Variants in RPS6KA1 observed in about 807,000 individuals in gnomAD.
RPS6KA1 encodes the protein ribosomal protein S6 kinase A1.
A neutral mutation model predicts 91.3 loss-of-function variants in RPS6KA1; 48 were observed. That is an observed-to-expected ratio of 0.53 (90% CI 0.42 to 0.67). The LOEUF (loss-of-function observed/expected upper bound fraction) is 0.67, where lower values mean the gene tolerates loss of function less well. Among genes scored for constraint, RPS6KA1 ranks in the 30% least tolerant of loss-of-function variants. The pLI is 0.00. For synonymous variants in RPS6KA1, 359 were observed against 384.7 expected (o/e 0.93, Z 0.78); for missense variants, 719 against 960.5 (o/e 0.75, Z 3.32).
rs568252480 is a variant in RPS6KA1, at chr1:26,567,192, T to A, written c.1591-4257T>A. ...GCGTGCCACCACACCTGGCTAATTT[T>A]AAAATTTTTTTTTTGTAGAGACAGG... On this transcript the variant is annotated intron_variant, in intron 17 of 21. Transcript: ENST00000374168. Among the ~76,000 whole-genome samples the A allele has an allele frequency of 1.1e-3, 162 of 151,794 alleles. 1 individual carries two copies. Among genetic ancestry groups the A allele is most frequent in the South Asian group, 8.3e-3 (40 of 4,794 alleles).
At chr1:26,532,335 C>A (rs1009649492) in intron 1 of RPS6KA1, among the ~76,000 whole-genome samples, 8 of 152,220 alleles carry the variant, frequency 5.3e-5, no homozygotes, top group African/African-American at 1.7e-4. Context: ...AACAGCTTCT[C>A]AAGATAGGGA....
At chr1:26,565,709 C>T (rs2076194911) in intron 17 of RPS6KA1, among the ~76,000 whole-genome samples, 2 of 151,978 alleles carry the variant, frequency 1.3e-5, no homozygotes, top group Non-Finnish European at 2.9e-5. Context: ...TTACAGGCAC[C>T]TGCCACCACA....
At position 26,561,011 on chromosome 1, in the gene RPS6KA1, C is replaced by G. The variant is rs769472096; in HGVS notation, c.1342-34C>G. On this transcript the variant is annotated intron_variant, in intron 15 of 21. Transcript: ENST00000374168. The surrounding 1 kb of genome is among the most constrained non-coding windows in gnomAD (Gnocchi z 5.7). ...CCAGAAAGGACCCTGGACCCTGTCA[C>G]CCTGACACTGCCACATGCACCCCCT... is the stretch of plus-strand genomic sequence containing the variant. 27 of 1,607,304 alleles carry G rather than the reference C, an allele frequency of 1.7e-5. No individual in the cohort carries two copies. Among genetic ancestry groups the G allele is most frequent in the Non-Finnish European group, 2.2e-5 (26 of 1,174,900 alleles).
chr1:26,566,675 T>C (rs1045465819), intron 17 of RPS6KA1, among the ~76,000 whole-genome samples: 1 of 152,234 alleles, frequency 6.6e-6, no homozygotes, highest in African/African-American at 2.4e-5. Context: ...GCCTCTTTTA[T>C]GAAATGCCTC....
At chr1:26,541,227 A>C (rs948732586) in intron 2 of RPS6KA1, among the ~76,000 whole-genome samples, 10 of 150,660 alleles carry the variant, frequency 6.6e-5, no homozygotes, top group Non-Finnish European at 1.2e-4. Flanking sequence ...ACTGCACTCC[A>C]GCCTGGGCAA....
chr1:26,572,629 G>A (rs577547154), intron 20 of RPS6KA1, among the ~76,000 whole-genome samples: 12 of 152,280 alleles, frequency 7.9e-5, no homozygotes, highest in Non-Finnish European at 1.8e-4. Context: ...GCACAGATAG[G>A]CGGACGCTCT....
chr1:26,546,640 G>T (rs12120574), intron 2 of RPS6KA1, among the ~76,000 whole-genome samples: 3 of 152,224 alleles, frequency 2.0e-5, no homozygotes, highest in African/African-American at 7.2e-5. Context: ...GGCCTAACCA[G>T]GCCAGAGCAT....
At chr1:26,544,725 C>T (rs891405766) in intron 2 of RPS6KA1, among the ~76,000 whole-genome samples, 3 of 152,074 alleles carry the variant, frequency 2.0e-5, no homozygotes, top group African/African-American at 7.2e-5. Flanking sequence ...CCACCTGCCT[C>T]GGCCTCCCAA....
rs1307421567 is a variant in RPS6KA1, at chr1:26,561,243, G to T, written c.1431+109G>T. On this transcript the variant is annotated intron_variant, in intron 16 of 21. Transcript: ENST00000374168. This position sits in a 1 kb window ranked among gnomAD's most constrained non-coding sequence, Gnocchi z 5.7. ...CTCATCCTCTTTCCAGTGGTCATGT[G>T]GAGGGGAAGGAGGTCCCTTGGTCCC... The T allele has an allele frequency of 8.4e-6, 9 of 1,067,054 alleles. No individual in the cohort carries two copies. In the East Asian group the frequency reaches 2.0e-4, roughly 24 times the overall value. 66.1% of individuals were successfully genotyped at this position (1,067,054 alleles called of 1,614,324 possible). A position where few individuals can be genotyped will look rare whatever the true frequency, so the allele number is the denominator to read the frequency against.
chr1:26,554,859 G>T lies in RPS6KA1; in HGVS notation c.756+121G>T. ...CCCCGTCTCCTCTCACAGCCAAGCTGGCCTCACCCTATATGCACCTGCAGT... is the reference window on the plus strand; with the variant it reads ...CCCCGTCTCCTCTCACAGCCAAGCTTGCCTCACCCTATATGCACCTGCAGT... On this transcript the variant is annotated intron_variant, in intron 9 of 21. Coordinates refer to ENST00000374168, the MANE Select transcript of RPS6KA1 (RefSeq NM_002953.4). This position sits in a 1 kb window ranked among gnomAD's most constrained non-coding sequence, Gnocchi z 4.6. 1 of 1,346,140 alleles carries T rather than the reference G, an allele frequency of 7.4e-7. No homozygotes were observed. Among genetic ancestry groups the T allele is most frequent in the South Asian group, 1.4e-5 (1 of 70,942 alleles). The allele number at this position is 1,346,140 out of a possible 1,614,324, so 83.4% of individuals were successfully genotyped here. A position where few individuals can be genotyped will look rare whatever the true frequency, so the allele number is the denominator to read the frequency against.
chr1:26,560,867 A>G lies in RPS6KA1; in HGVS notation c.1341+16A>G. 6.2e-7 allele frequency: 1 copy of G among 1,614,024 alleles called. No individual in the cohort carries two copies. Among genetic ancestry groups the G allele is most frequent in the Non-Finnish European group, 8.5e-7 (1 of 1,179,990 alleles). On this transcript the variant is annotated intron_variant, in intron 15 of 21. Coordinates refer to ENST00000374168, the MANE Select transcript of RPS6KA1 (RefSeq NM_002953.4). Reference sequence around the variant, plus strand: ...TGCTGTCAAGGTGGGCCTCCTGACCACGTCTCGGCCAAGGCTGCTGGGTTG... The same window carrying G: ...TGCTGTCAAGGTGGGCCTCCTGACCGCGTCTCGGCCAAGGCTGCTGGGTTG...
In RPS6KA1 at chr1:26,561,396, G is replaced by A; in HGVS notation, c.1432-109G>A. The A allele has an allele frequency of 7.0e-7, 1 of 1,425,252 alleles. No homozygotes were observed. Among genetic ancestry groups the A allele is most frequent in the Middle Eastern group, 2.1e-4 (1 of 4,680 alleles). 88.3% of individuals were successfully genotyped at this position (1,425,252 alleles called of 1,614,324 possible). A position where few individuals can be genotyped will look rare whatever the true frequency, so the allele number is the denominator to read the frequency against. ...AGGCAGGACCACTGAAGAGCAAGCA[G>A]AACACCTGCCCAAGGCTCATGTCAT... On this transcript the variant is annotated intron_variant, in intron 16 of 21. Coordinates refer to ENST00000374168, the MANE Select transcript of RPS6KA1 (RefSeq NM_002953.4). This position sits in a 1 kb window ranked among gnomAD's most constrained non-coding sequence, Gnocchi z 5.7.
chr1:26,557,686 G>A (rs959595249), intron 13 of RPS6KA1, among the ~76,000 whole-genome samples: 3 of 151,954 alleles, frequency 2.0e-5, no homozygotes, highest in Non-Finnish European at 2.9e-5. Context: ...ATTGACAGTG[G>A]GTGTGGGGTG....
intron 2 of RPS6KA1, chr1:26,544,202 C>T (rs1208021592): frequency 1.3e-5 from 6 of 456,142 alleles, no homozygotes; most frequent in Non-Finnish European, 2.2e-5. Flanking sequence ...GCTTGGGGCT[C>T]GCTGACTCTC....
chr1:26,572,211 C>G lies in RPS6KA1; in HGVS notation c.1865C>G (p.Pro622Arg), dbSNP rs766596672. The change falls in exon 20 of 22, where the codon CCA becomes CGA. Residue 622 changes from proline (P) to arginine (R), a missense_variant. Coordinates refer to ENST00000374168, the MANE Select transcript of RPS6KA1 (RefSeq NM_002953.4). ...TPFANGPSDT[P>R]EEILTRIGSG... ...TTTGCCAACGGTCCCAGTGACACAC[C>G]AGAGGAAATCCTAACCCGGATCGGC... 6.2e-7 allele frequency: 1 copy of G among 1,614,026 alleles called. No individual in the cohort carries two copies. The highest frequency in any genetic ancestry group is 1.7e-5 in the Admixed American group (1 of 59,994).
chr1:26,570,653 A>C (rs2076241152), intron 17 of RPS6KA1, among the ~76,000 whole-genome samples: 1 of 152,210 alleles, frequency 6.6e-6, no homozygotes, highest in East Asian at 1.9e-4. Flanking sequence ...ACAGATATTT[A>C]TTGAATACCT....
intron 17 of RPS6KA1, among the ~76,000 whole-genome samples, chr1:26,569,841 T>C (rs867516818): frequency 2.0e-5 from 3 of 152,200 alleles, no homozygotes; most frequent in Non-Finnish European, 2.9e-5. Flanking sequence ...CCTGGTGGCC[T>C]GAGCTCAGGG....
intron 1 of RPS6KA1, among the ~76,000 whole-genome samples, chr1:26,531,696 G>A (rs895577672): frequency 1.3e-5 from 2 of 152,166 alleles, no homozygotes; most frequent in East Asian, 1.9e-4. Flanking sequence ...CAGGAGCTTC[G>A]CTCCAGAAAC....
chr1:26,548,216 G>A (rs1416515172), intron 4 of RPS6KA1, among the ~76,000 whole-genome samples: 1 of 152,254 alleles, frequency 6.6e-6, no homozygotes, highest in African/African-American at 2.4e-5. Flanking sequence ...AAGATGAAAA[G>A]CCTGGGTCCC....
Sources: allele counts gnomAD v4.1 joint callset (sites outside exome capture counted in the v4.1 genomes callset), GRCh38; gene constraint gnomAD v4.1.1; non-coding constraint Gnocchi (gnomAD v3.1); transcripts MANE v1.5; gene names NCBI Gene and HGNC (gene_info 2026-07-23, HGNC 2026-07-21).